The following CDK5RAP2 variants were observed in gnomAD, a reference collection of about 807,000 sequenced individuals.
The protein encoded by CDK5RAP2 is CDK5 regulatory subunit associated protein 2.
CDK5RAP2 carries 147 observed loss-of-function variants against 232.9 expected under a neutral mutation model. That is an observed-to-expected ratio of 0.63 (90% CI 0.55 to 0.72). The LOEUF is 0.72. CDK5RAP2 is among the 30% of genes least tolerant of loss of function. The pLI, the probability that CDK5RAP2 is intolerant of heterozygous loss-of-function variation, is 0.00. For missense variants in CDK5RAP2, 2,195 were observed against 2,231.5 expected (o/e 0.98, Z 0.33); for synonymous variants, 833 against 833.7 (o/e 1.00, Z 0.01).
rs762601660 is a variant in CDK5RAP2, at chr9:120,409,102, G to A, written c.4604+25C>T. 1.1e-5 allele frequency: 17 copies of A among 1,607,900 alleles called. 1 individual carries two copies. In the Admixed American group the frequency reaches 2.8e-4, roughly 27 times the overall value. On this transcript the variant is annotated intron_variant, in intron 30 of 37. Coordinates refer to ENST00000349780, the MANE Select transcript of CDK5RAP2 (RefSeq NM_018249.6). ...CCTGCATGCGTGGTACGGCCAGCAG[G>A]CCACCAGGGAAGCACAGCCACTACC...
intron 25 of CDK5RAP2, among the ~76,000 whole-genome samples, chr9:120,430,882 A>T (rs1390841724): frequency 2.4e-4 from 37 of 152,362 alleles, no homozygotes; most frequent in Non-Finnish European, 4.4e-5. Context: ...ACAATGATAG[A>T]CTGGAGTAAG....
intron 25 of CDK5RAP2, among the ~76,000 whole-genome samples, chr9:120,428,624 C>G (rs1168613408): frequency 1.3e-5 from 2 of 152,114 alleles, no homozygotes; most frequent in Non-Finnish European, 2.9e-5. Flanking sequence ...AATAGCTTAC[C>G]AACCAAAAAG....
At chr9:120,426,714 G>A (rs956333798) in intron 25 of CDK5RAP2, among the ~76,000 whole-genome samples, 6 of 152,194 alleles carry the variant, frequency 3.9e-5, no homozygotes, top group African/African-American at 1.2e-4. Context: ...TTCCCTACAA[G>A]AGACAGCATT....
intron 26 of CDK5RAP2, among the ~76,000 whole-genome samples, chr9:120,422,324 G>A (rs1343764173): frequency 1.3e-5 from 2 of 152,188 alleles, no homozygotes; most frequent in Non-Finnish European, 2.9e-5. Context: ...CAGGGGAAGG[G>A]AAGCGAGGAG....
In CDK5RAP2 at chr9:120,484,889, A is replaced by AT. The variant is rs879724982; in HGVS notation, c.1626+2404dup. ...ACCACTGTGCCAACCTAATTTTAAT[A>AT]TTTTTTTTTTTTTTGTAGATACTGG... is the stretch of plus-strand genomic sequence containing the variant. On this transcript the variant is annotated intron_variant, in intron 14 of 37. Transcript: ENST00000349780. Among the ~76,000 whole-genome samples, 1,056 of 143,576 alleles carry AT rather than the reference A, an allele frequency of 7.4e-3. 8 individuals are homozygous for AT. Among genetic ancestry groups the AT allele is most frequent in the African/African-American group, 0.019 (744 of 39,356 alleles). 94.2% of individuals were successfully genotyped at this position (143,576 alleles called of 152,430 possible).
At chr9:120,524,934 CACCAG>C in intron 11 of CDK5RAP2, 47 bp downstream of exon 11, 1 of 1,299,096 alleles carries the variant, frequency 7.7e-7, no homozygotes, top group South Asian at 1.2e-5. Flanking sequence ...GTCCTCACCT[CACCAG>C]GGGTCAGGAT....
chr9:120,506,110 G>A (rs189978153), intron 12 of CDK5RAP2, among the ~76,000 whole-genome samples: 26 of 152,328 alleles, frequency 1.7e-4, no homozygotes, highest in Non-Finnish European at 3.4e-4. Flanking sequence ...AGGACAGGGT[G>A]ACTTCCTTAT....
intron 22 of CDK5RAP2, among the ~76,000 whole-genome samples, chr9:120,447,240 C>G (rs1267706842): frequency 1.3e-5 from 2 of 152,194 alleles, no homozygotes; most frequent in African/African-American, 4.8e-5. Context: ...TGCTCAGCTG[C>G]ATCATTCTGT....
intron 12 of CDK5RAP2, among the ~76,000 whole-genome samples, 200 bp downstream of exon 12, chr9:120,518,220 AGAGAGAG>A (rs1564327952): frequency 2.9e-3 from 413 of 143,446 alleles, no homozygotes; most frequent in African/African-American, 0.011. Context: ...TGAGAGAGAG[AGAGAGAG>A]AGAGAGAGAG....
intron 12 of CDK5RAP2, among the ~76,000 whole-genome samples, chr9:120,514,402 A>G (rs2131810111): frequency 6.6e-6 from 1 of 152,276 alleles, no homozygotes; most frequent in South Asian, 2.1e-4. Flanking sequence ...CTGCCAAGGC[A>G]CAATAAGCAT....
At chr9:120,473,835 C>T (rs1719487020) in intron 15 of CDK5RAP2, among the ~76,000 whole-genome samples, 1 of 152,218 alleles carries the variant, frequency 6.6e-6, no homozygotes, top group Admixed American at 6.5e-5. Context: ...CTGCTTCACT[C>T]CCTCTTCCAT....
At chr9:120,441,221 T>C (rs1453008172) in intron 23 of CDK5RAP2, among the ~76,000 whole-genome samples, 1 of 152,226 alleles carries the variant, frequency 6.6e-6, no homozygotes, top group Admixed American at 6.5e-5. Context: ...GCTGTCTGAA[T>C]ACTTAAGGGG....
intron 12 of CDK5RAP2, among the ~76,000 whole-genome samples, chr9:120,518,214 AG>A (rs1564327865): frequency 0.01 from 253 of 25,044 alleles, 4 homozygotes; most frequent in African/African-American, 0.022. Context: ...TGTGTGTGAG[AG>A]AGAGAGAGAG....
In CDK5RAP2 at chr9:120,436,474, T is replaced by C. The variant is rs184389623; in HGVS notation, c.3955+821A>G. Among the ~76,000 whole-genome samples, 962 of 152,326 alleles carry C rather than the reference T, an allele frequency of 6.3e-3. 12 individuals are homozygous for C. The highest frequency in any genetic ancestry group is 0.022 in the African/African-American group (914 of 41,568). ...ATAAAAGACATTATTGAATTAATTA[T>C]AAAAATTCAAATATAGGCTGTATAT... On this transcript the variant is annotated intron_variant, in intron 25 of 37. Coordinates refer to ENST00000349780, the MANE Select transcript of CDK5RAP2 (RefSeq NM_018249.6).
chr9:120,416,103 G>C (rs1056011509), intron 27 of CDK5RAP2, among the ~76,000 whole-genome samples: 2 of 152,142 alleles, frequency 1.3e-5, no homozygotes, highest in Admixed American at 6.5e-5. Flanking sequence ...CACATGTGAG[G>C]GTTTTTTCCC....
intron 5 of CDK5RAP2, among the ~76,000 whole-genome samples, chr9:120,539,692 T>C (rs953182405): frequency 6.6e-5 from 10 of 152,282 alleles, no homozygotes; most frequent in Non-Finnish European, 1.0e-4. Flanking sequence ...TACTGTTTAC[T>C]GTAATAAGTA....
intron 15 of CDK5RAP2, among the ~76,000 whole-genome samples, chr9:120,475,325 G>A (rs1021148587): frequency 1.3e-4 from 20 of 152,110 alleles, no homozygotes; most frequent in African/African-American, 4.1e-4. Context: ...TGTTAGTCCC[G>A]GTTAGTCTTT....
At chr9:120,531,714 A>C (rs2041160459) in intron 7 of CDK5RAP2, among the ~76,000 whole-genome samples, 1 of 152,190 alleles carries the variant, frequency 6.6e-6, no homozygotes, top group Non-Finnish European at 1.5e-5. Context: ...TTTGGGAGAA[A>C]GAAGAAAGAT....
At chr9:120,546,329 T>C (rs549266626) in intron 4 of CDK5RAP2, among the ~76,000 whole-genome samples, 1 of 152,342 alleles carries the variant, frequency 6.6e-6, no homozygotes, top group Admixed American at 6.5e-5. Context: ...TACAACCACA[T>C]GGGGCAAGCT....
Sources: gnomAD v4.1 joint callset for allele counts (sites outside exome capture counted in the v4.1 genomes callset) on GRCh38, gnomAD v4.1.1 for gene constraint, MANE v1.5 for transcripts, NCBI Gene and HGNC (gene_info 2026-07-23, HGNC 2026-07-21) for gene names.